Variants in AGBL1 observed in about 807,000 individuals in gnomAD.
The protein encoded by AGBL1 is AGBL carboxypeptidase 1, also known as cytosolic carboxypeptidase 4.
Under a neutral mutation model 118.9 loss-of-function variants are expected in AGBL1, and 130 were observed. The observed-to-expected ratio is 1.09, with a 90% CI of 0.95 to 1.26. The LOEUF is 1.26. AGBL1 is among the 50% of genes most tolerant of loss of function. The pLI, the probability that AGBL1 is intolerant of heterozygous loss-of-function variation, is 0.00. For missense variants in AGBL1, 1,584 were observed against 1,298.1 expected, an observed-to-expected ratio of 1.22 and a Z score of -3.38; for synonymous variants, 555 against 478.9, an observed-to-expected ratio of 1.16 and a Z score of -2.08.
At chr15:86,760,506 C>T (rs190539727) in intron 22 of AGBL1, among the ~76,000 whole-genome samples, 70 of 152,124 alleles carry the variant, frequency 4.6e-4, no homozygotes, top group African/African-American at 1.5e-3. Context: ...AGGTGCATTA[C>T]GGAAAAACAC....
Position 86,237,091 on chromosome 15 carries a change from G to A in AGBL1, c.527-10580G>A, listed in dbSNP as rs1028826768. On this transcript the variant is annotated intron_variant, in intron 6 of 22. Coordinates refer to ENST00000614907, the MANE Select transcript of AGBL1 (RefSeq NM_001386094.1). ...TGGCCAGCCCAGCTCTAAAAGCCGG[G>A]CCTTTCCTGCTAGACAAGAAACGTT... 6.6e-5 allele frequency among the ~76,000 whole-genome samples: 10 copies of A among 152,260 alleles called. 1 individual carries two copies. In the Middle Eastern group the frequency reaches 0.027, roughly 414 times the overall value.
intron 21 of AGBL1, among the ~76,000 whole-genome samples, chr15:86,606,652 G>A (rs2084581684): frequency 6.6e-6 from 1 of 152,128 alleles, no homozygotes; most frequent in East Asian, 1.9e-4. Context: ...TTTGATTAAA[G>A]ATAATTAACA....
At chr15:86,672,453 C>G (rs1409669327) in intron 21 of AGBL1, among the ~76,000 whole-genome samples, 1 of 152,170 alleles carries the variant, frequency 6.6e-6, no homozygotes, top group African/African-American at 2.4e-5. Flanking sequence ...CTCTACAGAG[C>G]ACCTGTTATG....
intron 22 of AGBL1, among the ~76,000 whole-genome samples, chr15:86,750,452 G>A (rs1181006647): frequency 6.6e-6 from 1 of 151,700 alleles, no homozygotes; most frequent in African/African-American, 2.4e-5. Flanking sequence ...CTTTTTAATA[G>A]CTGTGTAATC....
chr15:86,141,691 A>T (rs528863340), intron 1 of AGBL1, among the ~76,000 whole-genome samples: 4 of 152,278 alleles, frequency 2.6e-5, no homozygotes, highest in South Asian at 2.1e-4. Context: ...GAAATAACAG[A>T]CCTGTGCTAC....
chr15:86,860,127 T>A (rs2079540950), intron 22 of AGBL1, among the ~76,000 whole-genome samples: 1 of 152,148 alleles, frequency 6.6e-6, no homozygotes, highest in Non-Finnish European at 1.5e-5. Flanking sequence ...ATTCACCGAC[T>A]GTAAAAACGG....
In AGBL1 at chr15:86,962,202, A is replaced by C. The variant is rs938473762; in HGVS notation, c.3222-25785A>C. 2.0e-5 allele frequency among the ~76,000 whole-genome samples: 3 copies of C among 150,914 alleles called. No homozygotes were observed. The East Asian group carries it at 6.3e-4, about 32-fold the overall frequency. ...GTTTATAAATACACATGTAGACACA[A>C]AAGTGTTAAATGTAAGCCTCAGCAA... is the stretch of plus-strand genomic sequence containing the variant. On this transcript the variant is annotated intron_variant, in intron 23 of 24. Coordinates refer to the AGBL1 transcript ENST00000441037.
chr15:86,246,640 C>T (rs1398327864), intron 6 of AGBL1, among the ~76,000 whole-genome samples: 1 of 152,108 alleles, frequency 6.6e-6, no homozygotes, highest in Non-Finnish European at 1.5e-5. Flanking sequence ...GTGGGAAGGG[C>T]AAGTTTTCTC....
intron 5 of AGBL1, among the ~76,000 whole-genome samples, chr15:86,182,827 C>T (rs2077572393): frequency 1.3e-5 from 2 of 151,998 alleles, no homozygotes; most frequent in Admixed American, 1.3e-4. Flanking sequence ...AAAGGAAACC[C>T]TAGTAGTACA....
intron 22 of AGBL1, among the ~76,000 whole-genome samples, chr15:86,806,650 T>A (rs2141359305): frequency 6.6e-6 from 1 of 152,178 alleles, no homozygotes; most frequent in East Asian, 1.9e-4. Flanking sequence ...GGAGAAATAA[T>A]ACTATCTCAG....
chr15:86,162,869 C>T (rs1311698986), intron 5 of AGBL1, among the ~76,000 whole-genome samples: 1 of 152,174 alleles, frequency 6.6e-6, no homozygotes, highest in South Asian at 2.1e-4. Context: ...CTGCCTTGTG[C>T]AGTGGTAGAA....
chr15:86,910,032 A>G lies in AGBL1; in HGVS notation c.*2738A>G, dbSNP rs2080329682. On this transcript the variant is annotated 3_prime_UTR_variant, in exon 23 of 23. Coordinates refer to ENST00000614907, the MANE Select transcript of AGBL1 (RefSeq NM_001386094.1). ...TAAGAAAGACCTATTTTGTGCCCTCAGTAACCAGACAAAGAAGAACAATAA... is the reference window on the plus strand; with the variant it reads ...TAAGAAAGACCTATTTTGTGCCCTCGGTAACCAGACAAAGAAGAACAATAA... The G allele has an allele frequency of 6.6e-6, 1 of 152,254 alleles. No individual in the cohort carries two copies. Among genetic ancestry groups the G allele is most frequent in the Admixed American group, 6.5e-5 (1 of 15,282 alleles). The allele number at this position is 152,254 out of a possible 1,614,324, so 9.4% of individuals were successfully genotyped here. A position where few individuals can be genotyped will look rare whatever the true frequency, so the allele number is the denominator to read the frequency against.
intron 18 of AGBL1, among the ~76,000 whole-genome samples, chr15:86,512,356 T>A (rs895663763): frequency 6.6e-6 from 1 of 151,978 alleles, no homozygotes; most frequent in Admixed American, 6.6e-5. Context: ...TAAGAATTTG[T>A]CTATACCTCT....
chr15:86,487,314 C>T (rs995514953), intron 18 of AGBL1, among the ~76,000 whole-genome samples: 11 of 152,220 alleles, frequency 7.2e-5, no homozygotes, highest in African/African-American at 1.9e-4. Context: ...CCTCCAAGGG[C>T]AGCTGCACCC....
intron 8 of AGBL1, among the ~76,000 whole-genome samples, chr15:86,257,622 TTGTG>T (rs930531147): frequency 4.6e-5 from 7 of 152,304 alleles, no homozygotes; most frequent in South Asian, 2.1e-4. Context: ...CACATTTCGT[TTGTG>T]TGTGATCTCT....
At chr15:86,697,973 A>G (rs1363516693) in intron 22 of AGBL1, among the ~76,000 whole-genome samples, 1 of 151,938 alleles carries the variant, frequency 6.6e-6, no homozygotes, top group Non-Finnish European at 1.5e-5. Context: ...CTTCCTTCAA[A>G]GAGTCTATGA....
At chr15:86,903,210 A>T (rs778670272) in intron 22 of AGBL1, among the ~76,000 whole-genome samples, 2 of 150,864 alleles carry the variant, frequency 1.3e-5, no homozygotes, top group Non-Finnish European at 3.0e-5. Context: ...AGTTTCCTTT[A>T]TCTAGCTTTT....
At chr15:86,705,529 C>T (rs986761908) in intron 22 of AGBL1, among the ~76,000 whole-genome samples, 1 of 152,126 alleles carries the variant, frequency 6.6e-6, no homozygotes, top group Non-Finnish European at 1.5e-5. Context: ...GGCTGAATTA[C>T]TGGAAAGTAT....
intron 6 of AGBL1, among the ~76,000 whole-genome samples, chr15:86,245,470 C>T (rs1239192658): frequency 3.3e-5 from 5 of 152,320 alleles, no homozygotes; most frequent in Middle Eastern, 3.4e-3. Context: ...TAGAGCCCTG[C>T]AATGTACCTA....
Sources: gnomAD v4.1 joint callset for allele counts (sites outside exome capture counted in the v4.1 genomes callset) on GRCh38, gnomAD v4.1.1 for gene constraint, MANE v1.5 for transcripts, NCBI Gene and HGNC (gene_info 2026-07-23, HGNC 2026-07-21) for gene names.